Variants in ETV1 observed in about 807,000 individuals in gnomAD.
ETV1 encodes ETS variant transcription factor 1.
A neutral mutation model predicts 62.3 loss-of-function variants in ETV1; 27 were observed. The ratio of observed to expected loss-of-function variants is 0.43; its 90% CI spans 0.32 to 0.60. ETV1 has a LOEUF of 0.60. ETV1 is among the 20% of genes least tolerant of loss of function. The pLI is 0.06. For synonymous variants in ETV1, 222 were observed against 199.6 expected, an observed-to-expected ratio of 1.11 and a Z score of -0.94; for missense variants, 605 against 605.8, an observed-to-expected ratio of 1.00 and a Z score of 0.01.
chr7:13,925,418 TC>T (rs1192334947), intron 9 of ETV1, among the ~76,000 whole-genome samples: 4 of 152,162 alleles, frequency 2.6e-5, no homozygotes, highest in Non-Finnish European at 5.9e-5. Context: ...TCATTTTCCC[TC>T]CCTCCTCTAA....
Position 13,892,590 on chromosome 7 carries a change from C to T in ETV1, c.*3276G>A, listed in dbSNP as rs1378381046. Reference sequence around the variant, plus strand: ...TACATCCATGTCCTAATCCCTGGGACCTATGAATAATTATCTAGCCAAAGG... The same window carrying T: ...TACATCCATGTCCTAATCCCTGGGATCTATGAATAATTATCTAGCCAAAGG... On this transcript the variant is annotated 3_prime_UTR_variant, in exon 14 of 14. Transcript: ENST00000430479. 6 of 232,430 alleles carry T rather than the reference C, an allele frequency of 2.6e-5. No homozygotes were observed. Among genetic ancestry groups the T allele is most frequent in the African/African-American group, 1.3e-4 (6 of 45,264 alleles). The allele number at this position is 232,430 out of a possible 1,614,324, so 14.4% of individuals were successfully genotyped here.
chr7:13,902,352 C>G (rs1380458344), intron 12 of ETV1, among the ~76,000 whole-genome samples: 1 of 151,786 alleles, frequency 6.6e-6, no homozygotes, highest in Non-Finnish European at 1.5e-5. Context: ...AAATAAAGTA[C>G]TTTAATGACA....
Position 13,989,113 on chromosome 7 carries a change from T to A in ETV1, c.-61A>T, listed in dbSNP as rs1562728765. 6.3e-6 allele frequency: 9 copies of A among 1,438,404 alleles called. No individual in the cohort carries two copies. Among genetic ancestry groups the A allele is most frequent in the Non-Finnish European group, 6.7e-6 (7 of 1,041,720 alleles). 89.1% of individuals were successfully genotyped at this position (1,438,404 alleles called of 1,614,324 possible). ...ATATTTTGAGCATTTAGCTGGAGAT[T>A]TCCTCAGGATCTGGACTTCTATCAA... On this transcript the variant is annotated 5_prime_UTR_variant, in exon 3 of 14. Coordinates refer to ENST00000430479, the MANE Select transcript of ETV1 (RefSeq NM_004956.5).
At chr7:13,946,175 T>C (rs1788138564) in intron 6 of ETV1, among the ~76,000 whole-genome samples, 1 of 152,210 alleles carries the variant, frequency 6.6e-6, no homozygotes, top group Admixed American at 6.5e-5. Flanking sequence ...TTCAGACAGG[T>C]CAGATAATTT....
At chr7:13,939,640 T>G (rs899519154) in intron 6 of ETV1, among the ~76,000 whole-genome samples, 9 of 152,194 alleles carry the variant, frequency 5.9e-5, no homozygotes, top group African/African-American at 1.9e-4. Flanking sequence ...AAATATAATT[T>G]TAAGCATTAT....
chr7:13,935,829 C>T lies in ETV1; in HGVS notation c.433G>A (p.Val145Met), dbSNP rs1356892841. 1.9e-6 allele frequency: 3 copies of T among 1,613,772 alleles called. No homozygotes were observed. The highest frequency in any genetic ancestry group is 2.7e-5 in the African/African-American group (2 of 74,904). ...SNPPTPSSTP[V>M]SPLHHASPNS... ...GGAGATGCATGATGCAGTGGGGACA[C>T]TGGCGTGCTGGATGGTGTGGGGGGG... is the stretch of plus-strand genomic sequence containing the variant. The change falls in exon 8 of 14, where the codon GTG (valine) becomes ATG (methionine). Residue 145 changes from valine to methionine, a missense_variant. Physicochemically the swap from Val to Met is conservative, Grantham distance 21. Around this residue, in one of 3 missense-constraint regions of ETV1, gnomAD observed 426 missense variants for 377.8 expected, o/e 1.13. Coordinates refer to ENST00000430479, the MANE Select transcript of ETV1 (RefSeq NM_004956.5).
intron 9 of ETV1, among the ~76,000 whole-genome samples, chr7:13,921,879 G>A (rs1233448542): frequency 3.9e-5 from 6 of 151,950 alleles, no homozygotes; most frequent in Non-Finnish European, 8.8e-5. Context: ...TTTTTTTCCA[G>A]GGCTTTAAAA....
chr7:13,908,066 A>T (rs1783156630), intron 11 of ETV1, among the ~76,000 whole-genome samples: 2 of 152,130 alleles, frequency 1.3e-5, no homozygotes, highest in Non-Finnish European at 2.9e-5. Flanking sequence ...TACATTTTAT[A>T]GTCTCTATAT....
At position 13,904,870 on chromosome 7, in the gene ETV1, G is replaced by A. The variant is rs376648764; in HGVS notation, c.1110+1560C>T. ...TTTGTGGTTCTTTCACTTACATCAT[G>A]TGAGAGTATCTATGAAAAAACTAAT... On this transcript the variant is annotated intron_variant, in intron 12 of 13. Transcript: ENST00000430479. Among the ~76,000 whole-genome samples the A allele has an allele frequency of 7.7e-4, 117 of 151,292 alleles. 1 individual carries two copies. The Middle Eastern group carries it at 0.014, about 18-fold the overall frequency.
In ETV1 at chr7:13,908,483, C is replaced by T. The variant is rs1458553323; in HGVS notation, c.940+1149G>A. ...GAGAAAATGCTATATTTTAAGAATG[C>T]TGATGCTCTGCTAATGTTGCTAAAT... On this transcript the variant is annotated intron_variant, in intron 11 of 13. Coordinates refer to ENST00000430479, the MANE Select transcript of ETV1 (RefSeq NM_004956.5). Among the ~76,000 whole-genome samples the T allele has an allele frequency of 2.0e-5, 3 of 152,098 alleles. 1 individual carries two copies. In the East Asian group the frequency reaches 5.8e-4, roughly 29 times the overall value.
At chr7:13,989,958 GT>G (rs1396146342), upstream of ETV1, 1 of 193,424 alleles carries the variant, frequency 5.2e-6, no homozygotes, top group East Asian at 1.2e-4. Context: ...GAAACCGTGT[GT>G]TTCGAGTCGC....
intron 10 of ETV1, 64 bp downstream of exon 10, chr7:13,911,175 A>G: frequency 9.4e-7 from 1 of 1,059,358 alleles, no homozygotes; most frequent in East Asian, 2.4e-5. Context: ...AAATGACGTC[A>G]TATTTGGGAT....
At chr7:13,931,465 G>A (rs1354915464) in intron 9 of ETV1, 37 bp downstream of exon 9, 1 of 1,612,360 alleles carries the variant, frequency 6.2e-7, no homozygotes. Flanking sequence ...AGGTGAAAAA[G>A]TGCCTTGAAT....
chr7:13,957,534 T>C (rs3779118), intron 6 of ETV1, among the ~76,000 whole-genome samples: 23,035 of 152,176 alleles, frequency 0.15, 2,425 homozygotes, highest in African/African-American at 0.3. Flanking sequence ...TGACAACAAA[T>C]AGCATTGGTT....
intron 5 of ETV1, chr7:13,985,324 A>C (rs935820919): frequency 6.6e-6 from 1 of 152,154 alleles, no homozygotes; most frequent in Non-Finnish European, 1.5e-5. Context: ...AATGATCCTT[A>C]AATATAGCCA....
chr7:13,981,227 T>C (rs939749655), intron 5 of ETV1, among the ~76,000 whole-genome samples: 1 of 152,088 alleles, frequency 6.6e-6, no homozygotes. Flanking sequence ...GCGGAAGATG[T>C]ATGAGTCATT....
intron 6 of ETV1, among the ~76,000 whole-genome samples, chr7:13,970,014 TG>T (rs1337133506): frequency 6.6e-6 from 1 of 151,744 alleles, no homozygotes; most frequent in Non-Finnish European, 1.5e-5. Flanking sequence ...CCCAGCACTT[TG>T]GGAGGCCGAG....
chr7:13,933,781 G>A (rs1188534054), intron 8 of ETV1, among the ~76,000 whole-genome samples: 3 of 152,206 alleles, frequency 2.0e-5, no homozygotes, highest in African/African-American at 4.8e-5. Flanking sequence ...TCAGTCAGGG[G>A]TCAGTGGGAA....
rs79042379 is a variant in ETV1 at position 13,900,669 on chromosome 7, G to A, written c.1212+69C>T. On this transcript the variant is annotated intron_variant, in intron 13 of 13. Coordinates refer to ENST00000430479, the MANE Select transcript of ETV1 (RefSeq NM_004956.5). ...CTTCAGCAATGCAATGATATGTGGC[G>A]TTTAAAGTATGATGTTCAGATTAAT... 3.0e-3 allele frequency: 3,267 copies of A among 1,091,556 alleles called. 71 individuals are homozygous for A. The African/African-American group carries it at 0.046, about 15-fold the overall frequency. 67.6% of individuals were successfully genotyped at this position (1,091,556 alleles called of 1,614,324 possible). A position where few individuals can be genotyped will look rare whatever the true frequency, so the allele number is the denominator to read the frequency against.
Sources: gnomAD v4.1 joint callset for allele counts (sites outside exome capture counted in the v4.1 genomes callset) on GRCh38, gnomAD v4.1.1 for gene constraint, gnomAD v4.1.1 regional missense constraint, MANE v1.5 for transcripts, NCBI Gene and HGNC (gene_info 2026-07-23, HGNC 2026-07-21) for gene names.